ADAMTSL1: variants seen among roughly 807,000 people sequenced by gnomAD.
ADAMTSL1 encodes ADAMTS-like protein 1.
ADAMTSL1 carries 126 observed loss-of-function variants against 201.8 expected under a neutral mutation model. That is an observed-to-expected ratio of 0.62 (90% CI 0.54 to 0.72). The LOEUF (loss-of-function observed/expected upper bound fraction) is 0.72, where lower values mean the gene tolerates loss of function less well. ADAMTSL1 is among the 30% of genes least tolerant of loss of function. The probability of loss-of-function intolerance (pLI) is 0.00; values close to 1 mark genes in which losing one functional copy is unlikely to be tolerated. For synonymous variants in ADAMTSL1, 1,121 were observed against 903.4 expected (o/e 1.24, Z -4.32); for missense variants, 2,679 against 2,277.8 (o/e 1.18, Z -3.59).
At chr9:18,194,753 G>C (rs918449781) in intron 2 of ADAMTSL1, among the ~76,000 whole-genome samples, 2 of 152,038 alleles carry the variant, frequency 1.3e-5, no homozygotes, top group Non-Finnish European at 2.9e-5. Context: ...GTGCTCCCCT[G>C]TCCTGCTTCT....
chr9:18,361,656 A>G (rs902287374), intron 2 of ADAMTSL1, among the ~76,000 whole-genome samples: 3 of 152,214 alleles, frequency 2.0e-5, no homozygotes, highest in African/African-American at 7.2e-5. Context: ...TTGAAGGAGC[A>G]GAACTATGAG....
chr9:17,985,710 C>T (rs935155542), intron 1 of ADAMTSL1, among the ~76,000 whole-genome samples: 3 of 152,060 alleles, frequency 2.0e-5, no homozygotes, highest in Non-Finnish European at 4.4e-5. Flanking sequence ...ACATGGGAAG[C>T]AAGCTTAGCA....
At chr9:18,789,290 A>T (rs892919627) in intron 19 of ADAMTSL1, among the ~76,000 whole-genome samples, 8 of 152,200 alleles carry the variant, frequency 5.3e-5, no homozygotes, top group African/African-American at 1.9e-4. Flanking sequence ...ACATTAGCTT[A>T]TACAGAACTC....
rs181995668 is a variant in ADAMTSL1 at position 17,930,990 on chromosome 9, T to G, written c.87+24068T>G. On this transcript the variant is annotated intron_variant, in intron 1 of 29. Coordinates refer to the ADAMTSL1 transcript ENST00000680146. Reference sequence around the variant, plus strand: ...TGGGGCCTTTCAACCAATGTGCTATTTTCGTTCCCACATCACCTGATAAGT... The same window carrying G: ...TGGGGCCTTTCAACCAATGTGCTATGTTCGTTCCCACATCACCTGATAAGT... Among the ~76,000 whole-genome samples, 560 of 152,302 alleles carry G rather than the reference T, an allele frequency of 3.7e-3. 3 individuals carry two copies. Among genetic ancestry groups the G allele is most frequent in the Admixed American group, 5.7e-3 (87 of 15,296 alleles).
In ADAMTSL1 at chr9:18,827,266, C is replaced by G. The variant is rs1471580832; in HGVS notation, c.4114+803C>G. On this transcript the variant is annotated intron_variant, in intron 22 of 28. Transcript: ENST00000380548. ...TTCTCACCTAGAGAAAGCTGTCATT[C>G]TAAGGAAAAAAGGGAAAGATGTAAG... 2.0e-5 allele frequency among the ~76,000 whole-genome samples: 3 copies of G among 151,736 alleles called. No homozygotes were observed. In the South Asian group the frequency reaches 6.3e-4, roughly 32 times the overall value.
intron 2 of ADAMTSL1, among the ~76,000 whole-genome samples, chr9:18,213,727 A>C (rs1394599509): frequency 6.6e-6 from 1 of 152,084 alleles, no homozygotes; most frequent in Non-Finnish European, 1.5e-5. Flanking sequence ...CTGAGACAGA[A>C]TCTGAGTCCA....
intron 2 of ADAMTSL1, among the ~76,000 whole-genome samples, chr9:18,265,585 G>T (rs772225175): frequency 1.3e-5 from 2 of 152,022 alleles, no homozygotes; most frequent in African/African-American, 2.4e-5. Flanking sequence ...TAACATAAAG[G>T]TATATACCCT....
At chr9:18,494,321 A>G (rs1189245397) in intron 1 of ADAMTSL1, among the ~76,000 whole-genome samples, 1 of 148,718 alleles carries the variant, frequency 6.7e-6, no homozygotes, top group African/African-American at 2.5e-5. Flanking sequence ...ACACGACTGC[A>G]CTCCAGTCTG....
At chr9:18,847,761 A>C (rs774833982) in intron 23 of ADAMTSL1, among the ~76,000 whole-genome samples, 6 of 152,248 alleles carry the variant, frequency 3.9e-5, no homozygotes, top group Non-Finnish European at 8.8e-5. Context: ...CAAAAAGGCC[A>C]GTGTGGCCAC....
At chr9:18,671,617 C>G (rs968968307) in intron 9 of ADAMTSL1, among the ~76,000 whole-genome samples, 2 of 152,200 alleles carry the variant, frequency 1.3e-5, no homozygotes, top group East Asian at 1.9e-4. Flanking sequence ...GCTTGAAAAG[C>G]CTAGAGCACA....
At chr9:18,559,812 C>G (rs934190676) in intron 3 of ADAMTSL1, among the ~76,000 whole-genome samples, 84 of 152,176 alleles carry the variant, frequency 5.5e-4, no homozygotes, top group African/African-American at 1.9e-3. Flanking sequence ...CTCCATTTGT[C>G]TATTATTGGT....
Position 18,115,090 on chromosome 9 carries a change from G to C in ADAMTSL1, c.88-48772G>C, listed in dbSNP as rs553824576. Among the ~76,000 whole-genome samples the C allele has an allele frequency of 6.6e-5, 10 of 152,078 alleles. No homozygotes were observed. The South Asian group carries it at 2.1e-3, about 32-fold the overall frequency. The stretch of plus-strand genomic sequence containing the variant: ...TTTAAAAAAAATGAAACTTTACATC[G>C]GTCAGCTGAAATTGGTTTATGAATT... On this transcript the variant is annotated intron_variant, in intron 1 of 29. Coordinates refer to the ADAMTSL1 transcript ENST00000680146.
chr9:18,704,707 A>G (rs1318840911), intron 13 of ADAMTSL1, among the ~76,000 whole-genome samples: 1 of 152,206 alleles, frequency 6.6e-6, no homozygotes, highest in African/African-American at 2.4e-5. Flanking sequence ...TTATGTTCCT[A>G]AAAAGCTCCT....
At chr9:18,735,597 A>G (rs1312613594) in intron 15 of ADAMTSL1, among the ~76,000 whole-genome samples, 1 of 152,196 alleles carries the variant, frequency 6.6e-6, no homozygotes, top group African/African-American at 2.4e-5. Flanking sequence ...TAAAAGTGTC[A>G]GGAAATGTAT....
chr9:18,754,214 G>A (rs960477391), intron 16 of ADAMTSL1, among the ~76,000 whole-genome samples: 17 of 152,146 alleles, frequency 1.1e-4, no homozygotes, highest in South Asian at 4.1e-4. Context: ...TCTAAAATAT[G>A]TGCTATCCCT....
chr9:18,435,152 A>C (rs1819670336), intron 2 of ADAMTSL1, among the ~76,000 whole-genome samples: 1 of 152,256 alleles, frequency 6.6e-6, no homozygotes, highest in Non-Finnish European at 1.5e-5. Context: ...AATCATTTTT[A>C]GAAAGGCTTA....
chr9:18,195,891 C>T (rs960962382), intron 2 of ADAMTSL1, among the ~76,000 whole-genome samples: 6 of 152,046 alleles, frequency 3.9e-5, no homozygotes, highest in African/African-American at 7.2e-5. Context: ...TGAGTGATTT[C>T]GTCCACACAT....
chr9:18,346,394 G>A (rs10963581), intron 2 of ADAMTSL1, among the ~76,000 whole-genome samples: 11,836 of 152,138 alleles, frequency 0.078, 555 homozygotes, highest in East Asian at 0.17. Context: ...CGAGCTTTTG[G>A]AGCTGGGCAG....
At chr9:18,655,935 C>T (rs1421424745) in intron 7 of ADAMTSL1, among the ~76,000 whole-genome samples, 21 of 151,086 alleles carry the variant, frequency 1.4e-4, no homozygotes, top group Admixed American at 1.3e-3. Flanking sequence ...AATCTATAGG[C>T]AGTGCTCTTT....
Sources: allele counts gnomAD v4.1 joint callset (sites outside exome capture counted in the v4.1 genomes callset), GRCh38; gene constraint gnomAD v4.1.1; transcripts MANE v1.5; gene names NCBI Gene and HGNC (gene_info 2026-07-23, HGNC 2026-07-21).